The following KIAA1217 variants were observed in gnomAD, a reference collection of about 807,000 sequenced individuals.
The protein encoded by KIAA1217 is sickle tail protein homolog.
Under a neutral mutation model 163.9 loss-of-function variants are expected in KIAA1217, and 88 were observed. The observed-to-expected ratio is 0.54, with a 90% CI of 0.45 to 0.64. KIAA1217 has a LOEUF of 0.64. Among genes scored for constraint, KIAA1217 ranks in the 30% least tolerant of loss-of-function variants. The pLI, the probability that KIAA1217 is intolerant of heterozygous loss-of-function variation, is 0.00. For missense variants in KIAA1217, 2,372 were observed against 2,475.0 expected (o/e 0.96, Z 0.88); for synonymous variants, 903 against 923.1 (o/e 0.98, Z 0.39).
intron 2 of KIAA1217, among the ~76,000 whole-genome samples, chr10:24,244,285 G>A (rs970120575): frequency 1.3e-5 from 2 of 152,202 alleles, no homozygotes; most frequent in East Asian, 1.9e-4. Flanking sequence ...AGAGCAGAGA[G>A]TTCTCCTGGG....
chr10:24,066,152 A>C (rs1242452020), intron 2 of KIAA1217, among the ~76,000 whole-genome samples: 1 of 150,522 alleles, frequency 6.6e-6, no homozygotes, highest in South Asian at 2.1e-4. Flanking sequence ...ATTTAAGGTT[A>C]GTATTGTTAT....
chr10:23,808,547 A>C (rs1274531093), intron 1 of KIAA1217, among the ~76,000 whole-genome samples: 1 of 152,146 alleles, frequency 6.6e-6, no homozygotes, highest in Non-Finnish European at 1.5e-5. Flanking sequence ...GCAGTCATTT[A>C]AAGAAAAAAG....
intron 2 of KIAA1217, among the ~76,000 whole-genome samples, chr10:24,242,111 T>C (rs2073179815): frequency 6.6e-6 from 1 of 152,292 alleles, no homozygotes; most frequent in African/African-American, 2.4e-5. Context: ...GAAAAGCAAA[T>C]ATTTATTTAT....
At chr10:23,722,042 A>G (rs1216150298) in intron 1 of KIAA1217, among the ~76,000 whole-genome samples, 1 of 152,202 alleles carries the variant, frequency 6.6e-6, no homozygotes, top group Non-Finnish European at 1.5e-5. Flanking sequence ...ACATACTACA[A>G]CATGAATGAA....
chr10:24,419,003 C>A (rs567463102), intron 3 of KIAA1217, among the ~76,000 whole-genome samples: 1 of 151,708 alleles, frequency 6.6e-6, no homozygotes, highest in Non-Finnish European at 1.5e-5. Context: ...ATGGTGAAAC[C>A]CTGTCTCTAC....
At chr10:23,832,129 G>A (rs1838233886) in intron 1 of KIAA1217, among the ~76,000 whole-genome samples, 1 of 152,136 alleles carries the variant, frequency 6.6e-6, no homozygotes, top group Non-Finnish European at 1.5e-5. Context: ...CGCCACTTCA[G>A]ATACCAATAG....
At chr10:23,907,542 G>T (rs1017187582) in intron 1 of KIAA1217, among the ~76,000 whole-genome samples, 6 of 152,158 alleles carry the variant, frequency 3.9e-5, no homozygotes, top group Non-Finnish European at 8.8e-5. Context: ...GTCTGGGTCC[G>T]ATAGCCCAAG....
Position 24,544,285 on chromosome 10 carries a change from C to G in KIAA1217, c.5015C>G (p.Thr1672Ser). 6.2e-7 allele frequency: 1 copy of G among 1,614,112 alleles called. No individual in the cohort carries two copies. Among genetic ancestry groups the G allele is most frequent in the Non-Finnish European group, 8.5e-7 (1 of 1,180,014 alleles). The change falls in exon 19 of 21, where the codon ACC becomes AGC. Residue 1672 changes from threonine (T) to serine (S), a missense_variant. Transcript: ENST00000376454. ...TYRTLDSLEQTIKQLENTISE... is the reference protein window; with the variant it reads ...TYRTLDSLEQSIKQLENTISE... Reference sequence around the variant, plus strand: ...AGAACATTGGATAGCCTGGAGCAGACCATTAAACAGCTCGAAAATACAATC... The same window carrying G: ...AGAACATTGGATAGCCTGGAGCAGAGCATTAAACAGCTCGAAAATACAATC...
chr10:23,899,694 G>A (rs544347561), intron 1 of KIAA1217, among the ~76,000 whole-genome samples: 37 of 151,976 alleles, frequency 2.4e-4, no homozygotes, highest in Middle Eastern at 3.2e-3. Context: ...GGTATCATGC[G>A]GTCCATAGCC....
At chr10:23,964,361 G>T (rs1237523477) in intron 1 of KIAA1217, among the ~76,000 whole-genome samples, 3 of 151,434 alleles carry the variant, frequency 2.0e-5, no homozygotes, top group Non-Finnish European at 4.4e-5. Flanking sequence ...TTGTCAGATG[G>T]ATACATTGCA....
intron 2 of KIAA1217, among the ~76,000 whole-genome samples, chr10:24,333,470 A>C (rs1429288586): frequency 1.3e-5 from 2 of 152,158 alleles, no homozygotes; most frequent in Non-Finnish European, 2.9e-5. Flanking sequence ...GTATGTGTGC[A>C]GGTTTGTTGC....
intron 4 of KIAA1217, among the ~76,000 whole-genome samples, chr10:24,435,120 A>G (rs2059921106): frequency 6.6e-6 from 1 of 152,368 alleles, no homozygotes; most frequent in South Asian, 2.1e-4. Flanking sequence ...ACCAATGATC[A>G]CAAATGACAT....
intron 1 of KIAA1217, among the ~76,000 whole-genome samples, chr10:23,758,626 T>TTCTCTC (rs573288653): frequency 0.17 from 20,070 of 116,692 alleles, 2,239 homozygotes; most frequent in Admixed American, 0.19. Flanking sequence ...CTTTCTTACT[T>TTCTCTC]TCTCTCTCTC....
intron 1 of KIAA1217, among the ~76,000 whole-genome samples, chr10:24,209,816 T>C (rs940473208): frequency 5.9e-5 from 9 of 152,262 alleles, no homozygotes; most frequent in Admixed American, 5.9e-4. Context: ...GATCTTCTTT[T>C]ATGTTTTAAT....
In KIAA1217 at chr10:23,790,711, A is replaced by ATATG. The variant is rs10594361; in HGVS notation, c.-321+95508_-321+95511dup. On this transcript the variant is annotated intron_variant, in intron 1 of 18. Coordinates refer to the KIAA1217 transcript ENST00000376462. ...TATGTATATATACACACACATATAT[A>ATATG]TATGTATGTATGTATGTATGTATGT... Among the ~76,000 whole-genome samples, 1,263 of 140,356 alleles carry ATATG rather than the reference A, an allele frequency of 9.0e-3. 41 individuals carry two copies. Among genetic ancestry groups the ATATG allele is most frequent in the East Asian group, 0.046 (229 of 4,990 alleles). 92.1% of individuals were successfully genotyped at this position (140,356 alleles called of 152,430 possible). A position where few individuals can be genotyped will look rare whatever the true frequency, so the allele number is the denominator to read the frequency against.
intron 2 of KIAA1217, among the ~76,000 whole-genome samples, chr10:24,220,964 T>C (rs1449759033): frequency 2.6e-5 from 4 of 152,030 alleles, no homozygotes; most frequent in Non-Finnish European, 5.9e-5. Flanking sequence ...TCTTTCTCTA[T>C]TGACCAGGTT....
chr10:23,845,862 T>C (rs1839001392), intron 1 of KIAA1217, among the ~76,000 whole-genome samples: 1 of 152,256 alleles, frequency 6.6e-6, no homozygotes, highest in South Asian at 2.1e-4. Flanking sequence ...TTTATGGTTT[T>C]AGGTCTTATG....
At chr10:24,481,177 A>C (rs1051105314) in intron 6 of KIAA1217, 1 of 152,194 alleles carries the variant, frequency 6.6e-6, no homozygotes, top group Non-Finnish European at 1.5e-5. Context: ...TGCTGCATAC[A>C]AAGAAACTGA....
intron 2 of KIAA1217, among the ~76,000 whole-genome samples, chr10:24,349,219 A>G (rs1055243601): frequency 6.6e-6 from 1 of 151,684 alleles, no homozygotes; most frequent in African/African-American, 2.4e-5. Context: ...TGGATGCATG[A>G]TGTTAACTTA....
Sources: allele counts gnomAD v4.1 joint callset (sites outside exome capture counted in the v4.1 genomes callset), GRCh38; gene constraint gnomAD v4.1.1; transcripts MANE v1.5; gene names NCBI Gene and HGNC (gene_info 2026-07-23, HGNC 2026-07-21).